The following AFF1 variants were observed in gnomAD, a reference collection of about 807,000 sequenced individuals.
AFF1 encodes the protein ALF transcription elongation factor 1, also known as AF4/FMR2 family member 1.
A neutral mutation model predicts 121.7 loss-of-function variants in AFF1; 48 were observed. The ratio of observed to expected loss-of-function variants is 0.39; its 90% CI spans 0.31 to 0.50. The LOEUF is 0.50. AFF1 is among the 20% of genes least tolerant of loss of function. The pLI is 0.76. For missense variants in AFF1, 1,523 were observed against 1,511.7 expected (o/e 1.01, Z -0.12); for synonymous variants, 613 against 563.0 (o/e 1.09, Z -1.26).
chr4:87,052,386 C>A (rs900658664), intron 4 of AFF1, among the ~76,000 whole-genome samples: 2 of 152,140 alleles, frequency 1.3e-5, no homozygotes, highest in Non-Finnish European at 2.9e-5. Context: ...GAACTCCAGC[C>A]TGAGCGACAG....
At chr4:86,994,150 A>G (rs1724934533) in intron 2 of AFF1, among the ~76,000 whole-genome samples, 1 of 152,230 alleles carries the variant, frequency 6.6e-6, no homozygotes. Flanking sequence ...GCCAGAAGGC[A>G]CTAAAAAAGA....
intron 2 of AFF1, among the ~76,000 whole-genome samples, chr4:87,010,009 A>AT (rs1267566925): frequency 3.9e-5 from 6 of 152,150 alleles, no homozygotes; most frequent in Non-Finnish European, 8.8e-5. Flanking sequence ...TATATGACTA[A>AT]TTTTTTATGC....
At chr4:86,956,414 C>T (rs1423322156) in intron 2 of AFF1, among the ~76,000 whole-genome samples, 2 of 152,178 alleles carry the variant, frequency 1.3e-5, no homozygotes, top group African/African-American at 4.8e-5. Context: ...ATTTACTCTT[C>T]TACAAGTGGC....
intron 8 of AFF1, among the ~76,000 whole-genome samples, chr4:87,097,040 A>T (rs1724945383): frequency 6.6e-6 from 1 of 152,236 alleles, no homozygotes. Context: ...CAGATCAAGG[A>T]CCACAACTGT....
chr4:87,063,256 T>TTTTTGA (rs869168821), intron 4 of AFF1, among the ~76,000 whole-genome samples: 2 of 134,552 alleles, frequency 1.5e-5, no homozygotes, highest in African/African-American at 2.9e-5. Context: ...TTTTTTTTTT[T>TTTTTGA]GAGACAGAGT....
intron 2 of AFF1, among the ~76,000 whole-genome samples, chr4:86,972,091 T>C (rs1722985762): frequency 7.4e-6 from 1 of 135,802 alleles, no homozygotes; most frequent in Admixed American, 8.6e-5. Context: ...TGAGCTGTGA[T>C]TGCATGGCAC....
chr4:87,069,869 A>G (rs1190305108), intron 4 of AFF1, among the ~76,000 whole-genome samples: 1 of 125,550 alleles, frequency 8.0e-6, no homozygotes, highest in Non-Finnish European at 1.6e-5. Context: ...CCCAGGCTGG[A>G]GTATAGTGTG....
chr4:87,000,535 T>C (rs1578028879), intron 2 of AFF1, among the ~76,000 whole-genome samples: 1 of 151,950 alleles, frequency 6.6e-6, no homozygotes, highest in Admixed American at 6.6e-5. Flanking sequence ...TGGGTGGGGG[T>C]ATAATCCTTT....
At chr4:87,007,513 A>T in intron 2 of AFF1, 1 of 1,553,320 alleles carries the variant, frequency 6.4e-7, no homozygotes, top group Non-Finnish European at 8.9e-7. Context: ...GGGGAAGGAG[A>T]CGGACAGGAA....
Position 87,136,094 on chromosome 4 carries a change from C to T in AFF1, c.*393C>T, listed in dbSNP as rs1396201308. The T allele has an allele frequency of 2.1e-5, 5 of 240,362 alleles. No homozygotes were observed. Among genetic ancestry groups the T allele is most frequent in the Middle Eastern group, 1.2e-3 (1 of 818 alleles). The allele number at this position is 240,362 out of a possible 1,614,324, so 14.9% of individuals were successfully genotyped here. ...GAATTTCACGTCATCTCAGTAGCCACGCTAGTCCATTCCCAGAAGGAAATT... is the reference window on the plus strand; with the variant it reads ...GAATTTCACGTCATCTCAGTAGCCATGCTAGTCCATTCCCAGAAGGAAATT... On this transcript the variant is annotated 3_prime_UTR_variant, in exon 21 of 21. Coordinates refer to ENST00000395146, the MANE Select transcript of AFF1 (RefSeq NM_001166693.3).
chr4:87,126,356 ACT>A lies in AFF1; in HGVS notation c.2811+23_2811+24del, dbSNP rs1728248266. On this transcript the variant is annotated intron_variant, in intron 14 of 20. Coordinates refer to ENST00000395146, the MANE Select transcript of AFF1 (RefSeq NM_001166693.3). ...CACAAGGTGAGCAGGGGCGGCGGTC[ACT>A]CTGTAAGATGGGATGCATTGCTGTA... The A allele has an allele frequency of 1.2e-6, 2 of 1,604,294 alleles. No homozygotes were observed. The highest frequency in any genetic ancestry group is 1.3e-5 in the African/African-American group (1 of 74,778).
chr4:86,969,879 CAA>C (rs70953629), intron 2 of AFF1, among the ~76,000 whole-genome samples: 3,080 of 63,648 alleles, frequency 0.048, 226 homozygotes, highest in African/African-American at 0.16. Flanking sequence ...GACTCCGTCT[CAA>C]AAAAAAAAAA....
At chr4:86,995,282 CT>C in intron 2 of AFF1, among the ~76,000 whole-genome samples, 2 of 51,190 alleles carry the variant, frequency 3.9e-5, no homozygotes, top group African/African-American at 1.1e-4. Flanking sequence ...CCCTCCCCCT[CT>C]CCCTCCCCCT....
intron 4 of AFF1, among the ~76,000 whole-genome samples, chr4:87,070,961 A>G (rs926669222): frequency 6.6e-6 from 1 of 152,246 alleles, no homozygotes; most frequent in Admixed American, 6.5e-5. Flanking sequence ...AGTCCGCTTA[A>G]GTCAACGCCA....
chr4:86,936,809 G>T (rs968366012), intron 1 of AFF1, among the ~76,000 whole-genome samples: 1 of 152,158 alleles, frequency 6.6e-6, no homozygotes, highest in African/African-American at 2.4e-5. Flanking sequence ...TTGAATATTT[G>T]AAGATAAATA....
chr4:87,007,281 C>G, intron 2 of AFF1: 1 of 1,558,376 alleles, frequency 6.4e-7, no homozygotes, highest in South Asian at 1.2e-5. Flanking sequence ...AGTCCCGTAA[C>G]ATCGGGGCGC....
In AFF1 at chr4:87,128,837, C is replaced by A. The variant is rs531288776; in HGVS notation, c.2964+1134C>A. On this transcript the variant is annotated intron_variant, in intron 16 of 20. Coordinates refer to ENST00000395146, the MANE Select transcript of AFF1 (RefSeq NM_001166693.3). The stretch of plus-strand genomic sequence containing the variant: ...AGGGTGACCTAAGTCAATTAAGAAT[C>A]TGAGATTGTGCCAAGCAGTGGTTTC... 8.5e-5 allele frequency among the ~76,000 whole-genome samples: 13 copies of A among 152,330 alleles called. No homozygotes were observed. In the East Asian group the frequency reaches 2.5e-3, roughly 29 times the overall value.
chr4:87,039,644 T>C (rs979488447), intron 2 of AFF1, among the ~76,000 whole-genome samples: 5 of 152,174 alleles, frequency 3.3e-5, no homozygotes, highest in Non-Finnish European at 7.3e-5. Flanking sequence ...AAAATACAAA[T>C]GTGGAGGAGG....
intron 2 of AFF1, among the ~76,000 whole-genome samples, chr4:86,962,418 A>G (rs1051723120): frequency 1.2e-4 from 18 of 152,194 alleles, no homozygotes; most frequent in Admixed American, 1.1e-3. Context: ...AAATATATAC[A>G]TTTATTTAAA....
Sources: allele counts gnomAD v4.1 joint callset (sites outside exome capture counted in the v4.1 genomes callset), GRCh38; gene constraint gnomAD v4.1.1; transcripts MANE v1.5; gene names NCBI Gene and HGNC (gene_info 2026-07-23, HGNC 2026-07-21).